Variants in SHANK2 observed in about 807,000 individuals in gnomAD.
The protein encoded by SHANK2 is SH3 and multiple ankyrin repeat domains 2.
In SHANK2, 43 loss-of-function variants were observed where a neutral mutation model predicts 133.7. The observed-to-expected ratio is 0.32, with a 90% CI of 0.25 to 0.41. The LOEUF (loss-of-function observed/expected upper bound fraction) is 0.41, where lower values mean the gene tolerates loss of function less well. SHANK2 is among the 10% of genes least tolerant of loss of function. The pLI, the probability that SHANK2 is intolerant of heterozygous loss-of-function variation, is 1.00. For missense variants in SHANK2, 1,994 were observed against 2,235.8 expected, an observed-to-expected ratio of 0.89 and a Z score of 2.18; for synonymous variants, 1,017 against 952.8, an observed-to-expected ratio of 1.07 and a Z score of -1.24.
At chr11:70,834,023 G>A (rs1416145174) in intron 11 of SHANK2, among the ~76,000 whole-genome samples, 2 of 152,226 alleles carry the variant, frequency 1.3e-5, no homozygotes, top group Admixed American at 6.5e-5. Flanking sequence ...TAAACCCTGG[G>A]CAAAACCCTG....
chr11:71,176,132 G>C (rs540701513), intron 2 of SHANK2, among the ~76,000 whole-genome samples: 1 of 152,160 alleles, frequency 6.6e-6, no homozygotes, highest in Non-Finnish European at 1.5e-5. Context: ...GAAGGGTTTT[G>C]CCTCACTTAA....
chr11:70,825,162 T>C (rs551909371), intron 11 of SHANK2, among the ~76,000 whole-genome samples: 6 of 152,236 alleles, frequency 3.9e-5, no homozygotes, highest in Admixed American at 3.3e-4. Context: ...ATACTCTTCA[T>C]AGCAAGTGAT....
intron 17 of SHANK2, among the ~76,000 whole-genome samples, 186 bp from the exon 18 acceptor site, chr11:70,503,117 GACTGTGGAGGTCACTTA>G (rs1420305220): frequency 2.0e-5 from 3 of 152,224 alleles, no homozygotes; most frequent in Non-Finnish European, 2.9e-5. Flanking sequence ...ATGCTGCTGT[GACTGTGGAGGTCACTTA>G]ACTGTGGCTC....
At chr11:70,880,766 T>G (rs557247147) in intron 11 of SHANK2, among the ~76,000 whole-genome samples, 5 of 152,120 alleles carry the variant, frequency 3.3e-5, no homozygotes, top group Non-Finnish European at 5.9e-5. Flanking sequence ...TTTCCCTCCA[T>G]AGAACAAGGA....
intron 3 of SHANK2, among the ~76,000 whole-genome samples, chr11:71,131,998 C>G (rs1188444489): frequency 3.3e-5 from 5 of 152,218 alleles, no homozygotes; most frequent in Non-Finnish European, 5.9e-5. Context: ...ATGAGTCCAA[C>G]TCGATCCTGG....
intron 14 of SHANK2, among the ~76,000 whole-genome samples, chr11:70,720,740 T>A (rs574639406): frequency 6.6e-6 from 1 of 151,504 alleles, no homozygotes. Context: ...TGAACACGCA[T>A]GTGAACATAC....
chr11:71,055,933 A>C (rs1473152062), intron 10 of SHANK2, among the ~76,000 whole-genome samples: 1 of 151,710 alleles, frequency 6.6e-6, no homozygotes, highest in African/African-American at 2.4e-5. Context: ...TGTACACTTT[A>C]AAATGGTTCA....
At chr11:70,611,999 A>G (rs1456829317) in intron 17 of SHANK2, among the ~76,000 whole-genome samples, 1 of 151,950 alleles carries the variant, frequency 6.6e-6, no homozygotes, top group East Asian at 1.9e-4. Flanking sequence ...AACACTGGGA[A>G]GGCATCACAG....
chr11:70,677,547 A>G (rs889326966), intron 15 of SHANK2, among the ~76,000 whole-genome samples: 13 of 152,232 alleles, frequency 8.5e-5, no homozygotes, highest in Middle Eastern at 3.4e-3. Context: ...GCGTCTCCCA[A>G]TGAGGTAAAG....
At chr11:70,948,886 A>T (rs1950793583) in intron 10 of SHANK2, among the ~76,000 whole-genome samples, 2 of 152,352 alleles carry the variant, frequency 1.3e-5, no homozygotes, top group African/African-American at 4.8e-5. Flanking sequence ...AATTAAAAAA[A>T]TTAAATTTTA....
chr11:70,792,469 C>T (rs950468204), intron 14 of SHANK2, among the ~76,000 whole-genome samples: 1 of 152,144 alleles, frequency 6.6e-6, no homozygotes, highest in Non-Finnish European at 1.5e-5. Flanking sequence ...TTTGATTTTG[C>T]TGTTTGTTAT....
intron 8 of SHANK2, among the ~76,000 whole-genome samples, chr11:71,082,421 C>T (rs1951312968): frequency 6.6e-6 from 1 of 152,208 alleles, no homozygotes; most frequent in Non-Finnish European, 1.5e-5. Context: ...ACGGTGGGTA[C>T]CACAGTACAC....
intron 15 of SHANK2, among the ~76,000 whole-genome samples, chr11:70,674,419 G>C (rs559028274): frequency 6.6e-6 from 1 of 152,008 alleles, no homozygotes; most frequent in Admixed American, 6.6e-5. Context: ...CATGATCTTG[G>C]CTCACTGCAA....
At chr11:70,499,075 C>G (rs922601389) in intron 21 of SHANK2, among the ~76,000 whole-genome samples, 3 of 152,252 alleles carry the variant, frequency 2.0e-5, no homozygotes, top group Non-Finnish European at 4.4e-5. Flanking sequence ...GGCCAGTCCT[C>G]CCAGAGACAG....
chr11:70,722,302 G>A (rs1436109690), intron 14 of SHANK2, among the ~76,000 whole-genome samples: 8 of 152,232 alleles, frequency 5.3e-5, no homozygotes, highest in Non-Finnish European at 1.2e-4. Context: ...GGCCACTGAG[G>A]AATGTCAATA....
At position 70,778,479 on chromosome 11, in the gene SHANK2, G is replaced by A. The variant is rs1947413271; in HGVS notation, c.1777+19964C>T. 2.0e-5 allele frequency among the ~76,000 whole-genome samples: 3 copies of A among 152,182 alleles called. No homozygotes were observed. The South Asian group carries it at 6.2e-4, about 32-fold the overall frequency. On this transcript the variant is annotated intron_variant, in intron 14 of 25. Coordinates refer to ENST00000601538, the MANE Select transcript of SHANK2 (RefSeq NM_012309.5). Reference sequence around the variant, plus strand: ...AAGCCATGACCCCCTCAGTGTGACTGGATTTGGAGAAAGGACTTTAGAGAG... The same window carrying A: ...AAGCCATGACCCCCTCAGTGTGACTAGATTTGGAGAAAGGACTTTAGAGAG...
chr11:71,085,842 AATAATATATATTGTTATTT>A, intron 8 of SHANK2, among the ~76,000 whole-genome samples: 10 of 58 alleles, frequency 0.17, no homozygotes, highest in Non-Finnish European at 0.23. Flanking sequence ...ATTATACAAC[AATAATATATATTGTTATTT>A]TAATATATTA....
chr11:70,913,148 T>G (rs573808558), intron 10 of SHANK2, among the ~76,000 whole-genome samples: 2 of 151,042 alleles, frequency 1.3e-5, no homozygotes, highest in Admixed American at 1.3e-4. Context: ...TATAAATAAA[T>G]TCAGGTTAGG....
intron 4 of SHANK2, among the ~76,000 whole-genome samples, chr11:71,117,913 A>C (rs1486380283): frequency 6.6e-6 from 1 of 152,134 alleles, no homozygotes; most frequent in African/African-American, 2.4e-5. Context: ...TTCACAGCCA[A>C]ATGGGACAGA....
Sources: gnomAD v4.1 joint callset for allele counts (sites outside exome capture counted in the v4.1 genomes callset) on GRCh38, gnomAD v4.1.1 for gene constraint, MANE v1.5 for transcripts, NCBI Gene and HGNC (gene_info 2026-07-23, HGNC 2026-07-21) for gene names.